The following CTNNA3 variants were observed in gnomAD, a reference collection of about 807,000 sequenced individuals.
CTNNA3 encodes the protein catenin alpha-3.
CTNNA3 carries 76 observed loss-of-function variants against 95.7 expected under a neutral mutation model. That is an observed-to-expected ratio of 0.79 (90% CI 0.66 to 0.96). The LOEUF is 0.96. Among genes scored for constraint, CTNNA3 ranks in the 40% least tolerant of loss-of-function variants. CTNNA3 has a pLI of 0.00. For synonymous variants in CTNNA3, 431 were observed against 374.4 expected, an observed-to-expected ratio of 1.15 and a Z score of -1.74; for missense variants, 1,191 against 1,089.8, an observed-to-expected ratio of 1.09 and a Z score of -1.31.
chr10:67,098,511 G>A (rs1307028376), intron 7 of CTNNA3: 4 of 152,148 alleles, frequency 2.6e-5, no homozygotes, highest in Non-Finnish European at 4.4e-5. Context: ...CTTAACTGTT[G>A]CCTTGAATTA....
At chr10:67,231,698 C>T (rs1021618941) in intron 5 of CTNNA3, among the ~76,000 whole-genome samples, 4 of 148,850 alleles carry the variant, frequency 2.7e-5, no homozygotes, top group Admixed American at 7.0e-5. Context: ...AGGCTTCAGA[C>T]GATCAACTTA....
chr10:67,164,378 A>G (rs1861672740), intron 7 of CTNNA3, among the ~76,000 whole-genome samples: 1 of 152,132 alleles, frequency 6.6e-6, no homozygotes. Flanking sequence ...ATAGTGCTAG[A>G]GCAACTGGAT....
At chr10:66,360,784 TCTTCCTTCCTTC>T (rs1234588454) in intron 12 of CTNNA3, among the ~76,000 whole-genome samples, 10 of 52,810 alleles carry the variant, frequency 1.9e-4, no homozygotes, top group African/African-American at 2.6e-4. Flanking sequence ...TTTCTTTCTT[TCTTCCTTCCTTC>T]CTTCCTTCCT....
At chr10:66,950,399 G>C (rs1848481549) in intron 7 of CTNNA3, among the ~76,000 whole-genome samples, 1 of 151,950 alleles carries the variant, frequency 6.6e-6, no homozygotes, top group African/African-American at 2.4e-5. Flanking sequence ...GGCAGGTTTT[G>C]AGATATACTA....
intron 12 of CTNNA3, among the ~76,000 whole-genome samples, chr10:66,339,184 C>T (rs372667507): frequency 6.6e-6 from 1 of 151,658 alleles, no homozygotes; most frequent in Non-Finnish European, 1.5e-5. Flanking sequence ...ACATGGTAAG[C>T]GATTATTTAA....
At chr10:67,461,149 C>A (rs1245415876) in intron 5 of CTNNA3, among the ~76,000 whole-genome samples, 1 of 152,176 alleles carries the variant, frequency 6.6e-6, no homozygotes, top group Admixed American at 6.6e-5. Flanking sequence ...TAGAAACAAG[C>A]ACTTTCCTGA....
At chr10:66,392,063 A>T (rs2092937513) in intron 11 of CTNNA3, among the ~76,000 whole-genome samples, 1 of 127,350 alleles carries the variant, frequency 7.9e-6, no homozygotes, top group Non-Finnish European at 1.6e-5. Flanking sequence ...ATAATTAACA[A>T]TTTTTTTACA....
At chr10:66,231,670 G>T (rs1344428212) in intron 13 of CTNNA3, among the ~76,000 whole-genome samples, 3 of 152,142 alleles carry the variant, frequency 2.0e-5, no homozygotes, top group Non-Finnish European at 4.4e-5. Context: ...CTGGGAATGG[G>T]TATATATTTT....
chr10:66,959,240 TAG>T (rs1386549985), intron 7 of CTNNA3, among the ~76,000 whole-genome samples: 1 of 152,188 alleles, frequency 6.6e-6, no homozygotes, highest in Non-Finnish European at 1.5e-5. Context: ...TTCCTCTCTA[TAG>T]AATTTCATGT....
chr10:67,359,764 C>G (rs1842932830), intron 5 of CTNNA3, among the ~76,000 whole-genome samples: 1 of 151,968 alleles, frequency 6.6e-6, no homozygotes, highest in Non-Finnish European at 1.5e-5. Context: ...GAGTAAGAAA[C>G]TTTGAAACAT....
chr10:66,668,426 G>GTGTT (rs1564606797), intron 9 of CTNNA3, among the ~76,000 whole-genome samples: 3 of 147,806 alleles, frequency 2.0e-5, no homozygotes, highest in Non-Finnish European at 4.5e-5. Flanking sequence ...TCTCATATGT[G>GTGTT]TGTGTGTGTG....
chr10:66,070,986 A>C (rs1413335850), intron 14 of CTNNA3, among the ~76,000 whole-genome samples: 1 of 152,188 alleles, frequency 6.6e-6, no homozygotes, highest in Non-Finnish European at 1.5e-5. Context: ...CAGGGGGAAC[A>C]ATAGCAGCAA....
chr10:66,597,539 T>TA (rs1451407007), intron 10 of CTNNA3, among the ~76,000 whole-genome samples: 2 of 137,344 alleles, frequency 1.5e-5, no homozygotes, highest in African/African-American at 5.3e-5. Context: ...TATATATATA[T>TA]ATATATATAT....
At chr10:66,833,244 G>A (rs1842783126) in intron 7 of CTNNA3, among the ~76,000 whole-genome samples, 1 of 152,156 alleles carries the variant, frequency 6.6e-6, no homozygotes, top group African/African-American at 2.4e-5. Flanking sequence ...AATAGGGAGA[G>A]CAGAGCTGCT....
At chr10:66,660,695 T>C (rs775658251) in intron 9 of CTNNA3, among the ~76,000 whole-genome samples, 2 of 152,224 alleles carry the variant, frequency 1.3e-5, no homozygotes, top group Non-Finnish European at 2.9e-5. Flanking sequence ...GCTGATAATA[T>C]GTATCACTTC....
At chr10:67,731,795 C>T (rs1441942720) in intron 1 of CTNNA3, among the ~76,000 whole-genome samples, 3 of 141,258 alleles carry the variant, frequency 2.1e-5, no homozygotes, top group South Asian at 2.2e-4. Context: ...TGCAAGACTC[C>T]GTCTCAAAAA....
At chr10:66,111,494 C>T (rs190245586) in intron 13 of CTNNA3, among the ~76,000 whole-genome samples, 35 of 152,286 alleles carry the variant, frequency 2.3e-4, no homozygotes, top group Non-Finnish European at 2.4e-4. Context: ...ATATGCAGTC[C>T]ATCACTGAAT....
chr10:67,344,196 C>T (rs976407634), intron 5 of CTNNA3, among the ~76,000 whole-genome samples: 12 of 151,866 alleles, frequency 7.9e-5, no homozygotes, highest in Non-Finnish European at 1.5e-4. Flanking sequence ...TCCACTTGTT[C>T]ATGATGAATG....
intron 5 of CTNNA3, among the ~76,000 whole-genome samples, chr10:67,331,828 A>T (rs1841806140): frequency 6.6e-6 from 1 of 152,280 alleles, no homozygotes; most frequent in East Asian, 1.9e-4. Flanking sequence ...GTGAAGAGGA[A>T]CCCTAAGGAA....
Sources: gnomAD v4.1 joint callset for allele counts (sites outside exome capture counted in the v4.1 genomes callset) on GRCh38, gnomAD v4.1.1 for gene constraint, MANE v1.5 for transcripts, NCBI Gene and HGNC (gene_info 2026-07-23, HGNC 2026-07-21) for gene names.